PAMR1: variants seen among roughly 807,000 people sequenced by gnomAD.
PAMR1 encodes the protein inactive serine protease PAMR1.
PAMR1 carries 88 observed loss-of-function variants against 81.8 expected under a neutral mutation model. That is an observed-to-expected ratio of 1.08 (90% CI 0.91 to 1.28). The LOEUF is 1.28. PAMR1 is among the 50% of genes most tolerant of loss of function. The pLI is 0.00. For missense variants in PAMR1, 935 were observed against 919.7 expected (o/e 1.02, Z -0.21); for synonymous variants, 336 against 345.3 (o/e 0.97, Z 0.30).
At chr11:35,466,224 A>G (rs923783248) in intron 6 of PAMR1, among the ~76,000 whole-genome samples, 2 of 152,180 alleles carry the variant, frequency 1.3e-5, no homozygotes, top group African/African-American at 2.4e-5. Context: ...AGAGAATGCA[A>G]CATTTCTCTG....
At chr11:35,504,665 A>G (rs113714177) in intron 1 of PAMR1, among the ~76,000 whole-genome samples, 51 of 152,048 alleles carry the variant, frequency 3.4e-4, no homozygotes, top group African/African-American at 1.2e-3. Context: ...AATTTGTTGG[A>G]TTATAGTTGT....
chr11:35,476,378 G>A (rs1850285245), intron 3 of PAMR1, among the ~76,000 whole-genome samples: 2 of 152,128 alleles, frequency 1.3e-5, no homozygotes, highest in Admixed American at 1.3e-4. Context: ...ATTTAATCAT[G>A]GGAAAGGTTA....
rs1391812602 is a variant in PAMR1 at position 35,439,611 on chromosome 11, G to T, written c.1100+16C>A. ...TCATTAGCCTTCAGGGCAGAGTGCA[G>T]GTGTTTTGACCTCACCTTGACTGAA... On this transcript the variant is annotated intron_variant, in intron 8 of 10. Transcript: ENST00000619888. 6 of 1,601,070 alleles carry T rather than the reference G, an allele frequency of 3.7e-6. 1 individual carries two copies. Among genetic ancestry groups the T allele is most frequent in the South Asian group, 3.3e-5 (3 of 90,778 alleles).
At chr11:35,472,407 G>A (rs138897113) in intron 4 of PAMR1, among the ~76,000 whole-genome samples, 81 of 152,318 alleles carry the variant, frequency 5.3e-4, no homozygotes, top group African/African-American at 1.8e-3. Context: ...ACTGTACTAG[G>A]TGCTGTCAGC....
chr11:35,440,281 T>A (rs1364759397), intron 7 of PAMR1, among the ~76,000 whole-genome samples: 1 of 152,234 alleles, frequency 6.6e-6, no homozygotes, highest in Non-Finnish European at 1.5e-5. Flanking sequence ...CCAACATTCA[T>A]CTAATTAGCA....
At chr11:35,481,633 C>T (rs1283279646) in intron 3 of PAMR1, among the ~76,000 whole-genome samples, 3 of 152,142 alleles carry the variant, frequency 2.0e-5, no homozygotes, top group Admixed American at 1.3e-4. Flanking sequence ...AACAATTTTC[C>T]TGCCTCAGCC....
intron 10 of PAMR1, 111 bp downstream of exon 10, chr11:35,434,401 G>T: frequency 9.8e-7 from 1 of 1,019,876 alleles, no homozygotes; most frequent in Non-Finnish European, 1.5e-6. Flanking sequence ...CGAGGCTCTG[G>T]GCTGGCTGCT....
chr11:35,504,254 T>C (rs957295859), intron 1 of PAMR1, among the ~76,000 whole-genome samples: 13 of 152,164 alleles, frequency 8.5e-5, no homozygotes, highest in Admixed American at 4.6e-4. Context: ...ATCCTTCTAA[T>C]GTGTTGTTGA....
chr11:35,529,919 C>T (rs567801479), upstream of PAMR1: 1 of 152,228 alleles, frequency 6.6e-6, no homozygotes, highest in East Asian at 1.9e-4. Flanking sequence ...CTAATTTTCA[C>T]ATGGTACCTT....
At chr11:35,480,152 A>G (rs529430057) in intron 3 of PAMR1, among the ~76,000 whole-genome samples, 1 of 152,324 alleles carries the variant, frequency 6.6e-6, no homozygotes, top group African/African-American at 2.4e-5. Context: ...TACCATAACT[A>G]CTAACTGAAT....
chr11:35,486,270 A>G (rs376309899), intron 3 of PAMR1, among the ~76,000 whole-genome samples: 21 of 152,350 alleles, frequency 1.4e-4, no homozygotes, highest in African/African-American at 4.3e-4. Context: ...GCATAACGTA[A>G]TTGAACAAGC....
chr11:35,470,914 G>A (rs1254616641), intron 4 of PAMR1, 96 bp from the exon 5 acceptor site: 2 of 814,572 alleles, frequency 2.5e-6, no homozygotes, highest in African/African-American at 1.7e-5. Context: ...ACAGGCCTGA[G>A]GAACAGATGG....
upstream of PAMR1, among the ~76,000 whole-genome samples, chr11:35,526,724 G>A (rs898777789): frequency 2.6e-5 from 4 of 152,304 alleles, no homozygotes; most frequent in Non-Finnish European, 5.9e-5. Flanking sequence ...TTCTTAGGAT[G>A]CTACATATGC....
At chr11:35,455,797 AT>A (rs988566983) in intron 6 of PAMR1, among the ~76,000 whole-genome samples, 8 of 152,156 alleles carry the variant, frequency 5.3e-5, no homozygotes, top group African/African-American at 1.9e-4. Flanking sequence ...TAATATAGAA[AT>A]TTTTTATTTA....
In PAMR1 at chr11:35,451,235, G is replaced by A. The variant is rs1436009558; in HGVS notation, c.821-9542C>T. ...TTGTAGCTCTACTATATTTAATGTG[G>A]ATTTAACTAGCAGAAACTTTAGAGA... On this transcript the variant is annotated intron_variant, in intron 6 of 10. Coordinates refer to ENST00000619888, the MANE Select transcript of PAMR1 (RefSeq NM_001001991.3). Among the ~76,000 whole-genome samples, 3 of 152,142 alleles carry A rather than the reference G, an allele frequency of 2.0e-5. No individual in the cohort carries two copies. In the East Asian group the frequency reaches 5.8e-4, roughly 29 times the overall value.
chr11:35,434,424 G>A (rs914238868), intron 10 of PAMR1, 88 bp downstream of exon 10: 1 of 1,321,960 alleles, frequency 7.6e-7, no homozygotes, highest in East Asian at 2.3e-5. Context: ...CATGCTAAGG[G>A]GACAGAGCTT....
intron 3 of PAMR1, among the ~76,000 whole-genome samples, chr11:35,477,651 T>C (rs1481316052): frequency 6.6e-6 from 1 of 152,212 alleles, no homozygotes; most frequent in African/African-American, 2.4e-5. Flanking sequence ...AAATCGTGCA[T>C]GGCAAACTCT....
intron 6 of PAMR1, among the ~76,000 whole-genome samples, chr11:35,456,060 T>A (rs1339587452): frequency 6.6e-6 from 1 of 152,176 alleles, no homozygotes; most frequent in African/African-American, 2.4e-5. Context: ...TTTACTTCTT[T>A]GGGCCAACTC....
At chr11:35,438,763 A>G (rs931556585) in intron 8 of PAMR1, among the ~76,000 whole-genome samples, 1 of 152,244 alleles carries the variant, frequency 6.6e-6, no homozygotes, top group African/African-American at 2.4e-5. Flanking sequence ...AGAGATGCTA[A>G]GATAAAAACA....
Sources: allele counts gnomAD v4.1 joint callset (sites outside exome capture counted in the v4.1 genomes callset), GRCh38; gene constraint gnomAD v4.1.1; transcripts MANE v1.5; gene names NCBI Gene and HGNC (gene_info 2026-07-23, HGNC 2026-07-21).